Variants in SLC1A7 observed in about 807,000 individuals in gnomAD.
SLC1A7 encodes excitatory amino acid transporter 5.
Under a neutral mutation model 47.7 loss-of-function variants are expected in SLC1A7, and 40 were observed. The ratio of observed to expected loss-of-function variants is 0.84; its 90% confidence interval spans 0.65 to 1.09. The LOEUF is 1.09. Among genes scored for constraint, SLC1A7 ranks in the 50% least tolerant of loss-of-function variants. SLC1A7 has a pLI of 0.00. For synonymous variants in SLC1A7, 323 were observed against 325.6 expected (o/e 0.99, Z 0.09); for missense variants, 746 against 769.5 (o/e 0.97, Z 0.36).
intron 1 of SLC1A7, among the ~76,000 whole-genome samples, chr1:53,136,104 A>G (rs1392015533): frequency 6.6e-6 from 1 of 151,046 alleles, no homozygotes; most frequent in Non-Finnish European, 1.5e-5. Flanking sequence ...AATGCACCAG[A>G]AAATCTGCTT....
chr1:53,102,577 G>C (rs943143493), intron 5 of SLC1A7: 1 of 152,438 alleles, frequency 6.6e-6, no homozygotes, highest in African/African-American at 2.4e-5. Flanking sequence ...GTCTCACGGG[G>C]CTTTTCAGCC....
chr1:53,132,708 T>A (rs1262487383), intron 2 of SLC1A7, among the ~76,000 whole-genome samples: 1 of 147,544 alleles, frequency 6.8e-6, no homozygotes, highest in Non-Finnish European at 1.5e-5. Context: ...TAATTAGGTG[T>A]GGTGGTGTGT....
intron 4 of SLC1A7, among the ~76,000 whole-genome samples, chr1:53,105,496 C>T (rs1355745473): frequency 1.3e-5 from 2 of 152,178 alleles, no homozygotes; most frequent in African/African-American, 2.4e-5. Context: ...GTGAAGGCTT[C>T]TCTCCACCCC....
chr1:53,127,158 A>G (rs11206104), intron 2 of SLC1A7, among the ~76,000 whole-genome samples: 42,276 of 148,536 alleles, frequency 0.28, 6,391 homozygotes, highest in Middle Eastern at 0.43. Context: ...CAGGGCCCAT[A>G]CAAATGCTGA....
At chr1:53,092,813 C>T (rs1365526924) in intron 6 of SLC1A7, 26 bp from the exon 7 acceptor site, 1 of 1,495,146 alleles carries the variant, frequency 6.7e-7, no homozygotes, top group African/African-American at 1.4e-5. Flanking sequence ...CAGCCAGGCT[C>T]AGGAACCAGG....
At chr1:53,095,585 T>A (rs28674862) in intron 5 of SLC1A7, among the ~76,000 whole-genome samples, 1 of 141,028 alleles carries the variant, frequency 7.1e-6, no homozygotes, top group Non-Finnish European at 1.5e-5. Context: ...CTCGATACAC[T>A]CACACACCCC....
At chr1:53,140,941 T>G (rs1340083825) in intron 1 of SLC1A7, among the ~76,000 whole-genome samples, 1 of 152,158 alleles carries the variant, frequency 6.6e-6, no homozygotes, top group African/African-American at 2.4e-5. Context: ...TTCCTTTTAA[T>G]GGAAGACAAA....
chr1:53,125,413 CAG>C (rs1557686555), intron 2 of SLC1A7, among the ~76,000 whole-genome samples: 1 of 152,138 alleles, frequency 6.6e-6, no homozygotes. Flanking sequence ...TTGAGATCTG[CAG>C]AGTTATGGAA....
chr1:53,117,690 T>C (rs1325867546), intron 2 of SLC1A7, among the ~76,000 whole-genome samples: 2 of 151,848 alleles, frequency 1.3e-5, no homozygotes, highest in Non-Finnish European at 2.9e-5. Flanking sequence ...TTGTGTGGAG[T>C]GGGGTGCAGG....
chr1:53,090,368 C>T, intron 8 of SLC1A7: 2 of 604,264 alleles, frequency 3.3e-6, no homozygotes, highest in Non-Finnish European at 5.6e-6. Flanking sequence ...TTGGCTCCTG[C>T]CACACGGGCG....
intron 5 of SLC1A7, among the ~76,000 whole-genome samples, chr1:53,094,514 C>A (rs997257479): frequency 6.6e-6 from 1 of 152,184 alleles, no homozygotes; most frequent in Non-Finnish European, 1.5e-5. Flanking sequence ...GGATTCAAAC[C>A]CTGGCCTGTG....
At position 53,128,382 on chromosome 1, in the gene SLC1A7, C is replaced by T. The variant is rs1352747243; in HGVS notation, c.215+5968G>A. 2.6e-5 allele frequency among the ~76,000 whole-genome samples: 4 copies of T among 152,094 alleles called. No homozygotes were observed. In the East Asian group the frequency reaches 5.8e-4, roughly 22 times the overall value. On this transcript the variant is annotated intron_variant, in intron 2 of 10. Coordinates refer to ENST00000371494, the MANE Select transcript of SLC1A7 (RefSeq NM_006671.6). Reference sequence around the variant, plus strand: ...GTCCCAGCTAATTGGGAGGCTAAGTCGGGAGGATCGATTGAGCCCTGGAGT... The same window carrying T: ...GTCCCAGCTAATTGGGAGGCTAAGTTGGGAGGATCGATTGAGCCCTGGAGT...
intron 5 of SLC1A7, among the ~76,000 whole-genome samples, chr1:53,099,134 G>C: frequency 9.5e-6 from 1 of 104,788 alleles, no homozygotes; most frequent in African/African-American, 3.6e-5. Flanking sequence ...ATACCATCTC[G>C]GTACAGACAC....
rs1224200999 is a variant in SLC1A7 at position 53,141,415 on chromosome 1, C to G, written c.135+900G>C. Among the ~76,000 whole-genome samples, 4 of 152,158 alleles carry G rather than the reference C, an allele frequency of 2.6e-5. No individual in the cohort carries two copies. In the East Asian group the frequency reaches 5.8e-4, roughly 22 times the overall value. On this transcript the variant is annotated intron_variant, in intron 1 of 10. Transcript: ENST00000371494. Reference sequence around the variant, plus strand: ...CCCCAGGAGGTCTTGATAACTACCCCCCTACCACAATAGTCCTGAATAGAG... The same window carrying G: ...CCCCAGGAGGTCTTGATAACTACCCGCCTACCACAATAGTCCTGAATAGAG...
intron 2 of SLC1A7, among the ~76,000 whole-genome samples, chr1:53,130,115 C>T (rs986241770): frequency 5.0e-4 from 76 of 152,208 alleles, no homozygotes; most frequent in African/African-American, 1.7e-3. Flanking sequence ...ACACTCAGCT[C>T]ATGCAGGTCA....
intron 3 of SLC1A7, among the ~76,000 whole-genome samples, chr1:53,109,136 C>G (rs1644675987): frequency 6.6e-6 from 1 of 152,076 alleles, no homozygotes; most frequent in African/African-American, 2.4e-5. Context: ...GAGTCCACCT[C>G]TCAGCTCCCC....
intron 2 of SLC1A7, among the ~76,000 whole-genome samples, chr1:53,133,775 G>A (rs1202485174): frequency 6.6e-6 from 1 of 152,106 alleles, no homozygotes; most frequent in African/African-American, 2.4e-5. Flanking sequence ...TCATGATTGG[G>A]CAAGAGCTCA....
intron 6 of SLC1A7, 52 bp from the exon 7 acceptor site, chr1:53,092,839 C>G: frequency 8.3e-7 from 1 of 1,205,494 alleles, no homozygotes; most frequent in East Asian, 2.3e-5. Flanking sequence ...AGACACACCC[C>G]GGCCCCAGCC....
At position 53,108,499 on chromosome 1, in the gene SLC1A7, T is replaced by C. The variant is rs905034809; in HGVS notation, c.432-2725A>G. ...GACCAAATGGGACCTGCCATCAAGC[T>C]CTGATTCTCTTGCTAATGGGGTGGC... is the stretch of plus-strand genomic sequence containing the variant. On this transcript the variant is annotated intron_variant, in intron 3 of 10. Transcript: ENST00000371494. 3 of 705,482 alleles carry C rather than the reference T, an allele frequency of 4.3e-6. No individual in the cohort carries two copies. In the African/African-American group the frequency reaches 5.3e-5, roughly 13 times the overall value. 43.7% of individuals were successfully genotyped at this position (705,482 alleles called of 1,614,324 possible). A position where few individuals can be genotyped will look rare whatever the true frequency, so the allele number is the denominator to read the frequency against.
Sources: allele counts gnomAD v4.1 joint callset (sites outside exome capture counted in the v4.1 genomes callset), GRCh38; gene constraint gnomAD v4.1.1; transcripts MANE v1.5; gene names NCBI Gene and HGNC (gene_info 2026-07-23, HGNC 2026-07-21).